Variants in PPFIBP1 observed in about 807,000 individuals in gnomAD.
PPFIBP1 encodes the protein PPFIB scaffold protein 1.
In PPFIBP1, 112 loss-of-function variants were observed where a neutral mutation model predicts 137.8. The ratio of observed to expected loss-of-function variants is 0.81; its 90% CI spans 0.70 to 0.95. The LOEUF is 0.95. PPFIBP1 is among the 40% of genes least tolerant of loss of function. The probability of loss-of-function intolerance (pLI) is 0.00; values close to 1 mark genes in which losing one functional copy is unlikely to be tolerated. For synonymous variants in PPFIBP1, 378 were observed against 417.3 expected, an observed-to-expected ratio of 0.91 and a Z score of 1.15; for missense variants, 1,083 against 1,196.6, an observed-to-expected ratio of 0.91 and a Z score of 1.40.
In PPFIBP1 at chr12:27,633,393, T is replaced by G. The variant is rs111594968; in HGVS notation, c.-4T>G. 1.4e-5 allele frequency: 22 copies of G among 1,613,774 alleles called. No individual in the cohort carries two copies. The Admixed American group carries it at 1.5e-4, about 11-fold the overall frequency. On this transcript the variant is annotated 5_prime_UTR_variant, in exon 3 of 30. Transcript: ENST00000228425. ...GTTGGAATTTGCCCCTGACAAATAA[T>G]AAAATGATGAGTGATGCAAGTGACA... is the stretch of plus-strand genomic sequence containing the variant.
intron 18 of PPFIBP1, chr12:27,676,801 C>G: frequency 2.8e-6 from 2 of 702,726 alleles, no homozygotes; most frequent in South Asian, 1.7e-5. Flanking sequence ...ACCCTGCTCT[C>G]TCCTGTGGTA....
chr12:27,530,559 A>G (rs1315644634), intron 1 of PPFIBP1, among the ~76,000 whole-genome samples: 1 of 152,260 alleles, frequency 6.6e-6, no homozygotes, highest in Non-Finnish European at 1.5e-5. Flanking sequence ...ATTCTCTAGG[A>G]TGACTTGCAC....
At position 27,664,388 on chromosome 12, in the gene PPFIBP1, G is replaced by A. The variant is rs758004025; in HGVS notation, c.933G>A (p.Gln311=). 6.2e-7 allele frequency: 1 copy of A among 1,612,340 alleles called. No individual in the cohort carries two copies. Among genetic ancestry groups the A allele is most frequent in the South Asian group, 1.1e-5 (1 of 90,944 alleles). Residue 311 remains glutamine, a synonymous_variant, in exon 12 of 30, where the codon CAG becomes CAA. Coordinates refer to ENST00000228425, the MANE Select transcript of PPFIBP1 (RefSeq NM_003622.4). The stretch of plus-strand genomic sequence containing the variant: ...ATCGGAAAATAGAAGATCTTCGACA[G>A]TGCCTGAACAGGTACAAGAAAATGC... ...EKDRKIEDLR[Q]CLNRYKKMQD...
intron 27 of PPFIBP1, among the ~76,000 whole-genome samples, chr12:27,689,496 G>A (rs1039602497): frequency 6.6e-5 from 10 of 152,020 alleles, no homozygotes; most frequent in Admixed American, 2.6e-4. Flanking sequence ...CAGCAGGGTC[G>A]CAGTAACAAT....
At chr12:27,661,290 G>T (rs2059532234) in intron 11 of PPFIBP1, among the ~76,000 whole-genome samples, 1 of 152,262 alleles carries the variant, frequency 6.6e-6, no homozygotes, top group Non-Finnish European at 1.5e-5. Context: ...GAAGGAGCTA[G>T]CTTGACAGCC....
intron 1 of PPFIBP1, among the ~76,000 whole-genome samples, chr12:27,532,467 T>A (rs893346921): frequency 6.6e-6 from 1 of 152,112 alleles, no homozygotes; most frequent in African/African-American, 2.4e-5. Flanking sequence ...GTATTTTTTT[T>A]TTTTTTTACA....
At chr12:27,588,177 A>C (rs972254120) in intron 2 of PPFIBP1, among the ~76,000 whole-genome samples, 1 of 152,234 alleles carries the variant, frequency 6.6e-6, no homozygotes, top group African/African-American at 2.4e-5. Context: ...AGCTAGGCTG[A>C]GTTTAATCAC....
chr12:27,569,331 C>T (rs1212542877), intron 1 of PPFIBP1, among the ~76,000 whole-genome samples: 1 of 152,156 alleles, frequency 6.6e-6, no homozygotes, highest in East Asian at 1.9e-4. Flanking sequence ...TGTAAACACA[C>T]CTACAAAGTA....
At chr12:27,555,860 T>A (rs1452839986) in intron 1 of PPFIBP1, among the ~76,000 whole-genome samples, 1 of 152,230 alleles carries the variant, frequency 6.6e-6, no homozygotes, top group East Asian at 1.9e-4. Context: ...CATAAAATTA[T>A]AGCTTAAATC....
chr12:27,600,542 A>G (rs1387600498), intron 2 of PPFIBP1, among the ~76,000 whole-genome samples: 3 of 152,042 alleles, frequency 2.0e-5, no homozygotes, highest in Admixed American at 6.6e-5. Context: ...GCATTTTGCC[A>G]TATTTCATTG....
intron 2 of PPFIBP1, among the ~76,000 whole-genome samples, chr12:27,606,806 C>G (rs909337860): frequency 1.3e-5 from 2 of 152,180 alleles, no homozygotes; most frequent in African/African-American, 4.8e-5. Flanking sequence ...AAGTGGGCCA[C>G]AGATTAGGCA....
At position 27,628,153 on chromosome 12, in the gene PPFIBP1, T is replaced by G. The variant is rs2056984236; in HGVS notation, c.-35-5209T>G. On this transcript the variant is annotated intron_variant, in intron 2 of 29. Transcript: ENST00000228425. ...AATAAATTTGCTATTTTGTGAGAAT[T>G]ATTGGATGGTGAATTTTTTTGTTCT... is the stretch of plus-strand genomic sequence containing the variant. Among the ~76,000 whole-genome samples the G allele has an allele frequency of 3.3e-5, 5 of 152,134 alleles. No individual in the cohort carries two copies. In the South Asian group the frequency reaches 1.0e-3, roughly 32 times the overall value.
intron 3 of PPFIBP1, among the ~76,000 whole-genome samples, chr12:27,634,155 T>C (rs1322499546): frequency 1.3e-5 from 2 of 150,128 alleles, no homozygotes; most frequent in South Asian, 2.1e-4. Context: ...TTTTTTTTTT[T>C]TTTTTTTAAG....
At chr12:27,626,993 A>G (rs1346533847) in intron 2 of PPFIBP1, among the ~76,000 whole-genome samples, 1 of 152,174 alleles carries the variant, frequency 6.6e-6, no homozygotes, top group African/African-American at 2.4e-5. Flanking sequence ...CATAGTAGGT[A>G]TGTGCCTTTA....
chr12:27,618,259 T>G (rs953154177), intron 2 of PPFIBP1, among the ~76,000 whole-genome samples: 1 of 152,220 alleles, frequency 6.6e-6, no homozygotes, highest in Non-Finnish European at 1.5e-5. Context: ...ACCACCTGAA[T>G]GGACCCCTCC....
chr12:27,532,748 GA>G, intron 1 of PPFIBP1, among the ~76,000 whole-genome samples: 1 of 152,164 alleles, frequency 6.6e-6, no homozygotes, highest in Non-Finnish European at 1.5e-5. Flanking sequence ...AATAGAGTGA[GA>G]TTCGATTTAG....
Position 27,593,785 on chromosome 12 carries a change from G to A in PPFIBP1, c.-36+15546G>A, listed in dbSNP as rs3751228. 1,715 of 921,068 alleles carry A rather than the reference G, an allele frequency of 1.9e-3. 66 individuals are homozygous for A. The East Asian group carries it at 0.046, about 25-fold the overall frequency. The allele number at this position is 921,068 out of a possible 1,614,324, so 57.1% of individuals were successfully genotyped here. A position where few individuals can be genotyped will look rare whatever the true frequency, so the allele number is the denominator to read the frequency against. On this transcript the variant is annotated intron_variant, in intron 2 of 29. Transcript: ENST00000228425. ...ATGTCCCAGGCCAGGAAGATGTTCA[G>A]TTTGCAAAACTGTCTGGTTCGTCCT...
intron 13 of PPFIBP1, 142 bp downstream of exon 13, chr12:27,667,462 CT>C (rs1330582199): frequency 2.9e-6 from 2 of 697,614 alleles, no homozygotes; most frequent in Non-Finnish European, 4.2e-6. Context: ...AATAAATTGA[CT>C]TTGGCCACTT....
chr12:27,558,315 T>C (rs1345540053), intron 1 of PPFIBP1, among the ~76,000 whole-genome samples: 4 of 151,800 alleles, frequency 2.6e-5, no homozygotes, highest in African/African-American at 9.7e-5. Context: ...GCTTGAGACC[T>C]GTAGCTATGA....
Sources: gnomAD v4.1 joint callset for allele counts (sites outside exome capture counted in the v4.1 genomes callset) on GRCh38, gnomAD v4.1.1 for gene constraint, MANE v1.5 for transcripts, NCBI Gene and HGNC (gene_info 2026-07-23, HGNC 2026-07-21) for gene names.